GRID2: variants seen among roughly 807,000 people sequenced by gnomAD.
The protein encoded by GRID2 is glutamate ionotropic receptor delta type subunit 2.
In GRID2, 33 loss-of-function variants were observed where a neutral mutation model predicts 114.8. That is an observed-to-expected ratio of 0.29 (90% confidence interval 0.22 to 0.38). The LOEUF (loss-of-function observed/expected upper bound fraction) is 0.38. Ranked by LOEUF, GRID2 falls within the 10% of genes least tolerant of loss-of-function variation. The pLI is 1.00. For missense variants in GRID2, 1,184 were observed against 1,257.7 expected, an observed-to-expected ratio of 0.94 and a Z score of 0.89; for synonymous variants, 505 against 449.9, an observed-to-expected ratio of 1.12 and a Z score of -1.55.
intron 2 of GRID2, among the ~76,000 whole-genome samples, chr4:92,651,409 C>A (rs1192938591): frequency 1.3e-5 from 2 of 151,998 alleles, no homozygotes; most frequent in African/African-American, 2.4e-5. Context: ...TCCATCCCTG[C>A]CTCCGTGGCC....
intron 1 of GRID2, among the ~76,000 whole-genome samples, chr4:92,505,017 T>C (rs1297605408): frequency 6.6e-6 from 1 of 152,024 alleles, no homozygotes; most frequent in Non-Finnish European, 1.5e-5. Flanking sequence ...AACCGTCGAA[T>C]CATTTAAAAG....
At chr4:93,147,624 T>C (rs1560927737) in intron 4 of GRID2, among the ~76,000 whole-genome samples, 1 of 152,140 alleles carries the variant, frequency 6.6e-6, no homozygotes, top group Non-Finnish European at 1.5e-5. Context: ...AGCCATTAGC[T>C]GATTGCTCCA....
chr4:93,003,285 T>G (rs76256722), intron 2 of GRID2, among the ~76,000 whole-genome samples: 1 of 152,054 alleles, frequency 6.6e-6, no homozygotes, highest in Non-Finnish European at 1.5e-5. Flanking sequence ...AAAATAAAAC[T>G]TGTAAAAGGT....
At chr4:93,474,874 A>C (rs1373293581) in intron 11 of GRID2, among the ~76,000 whole-genome samples, 1 of 152,178 alleles carries the variant, frequency 6.6e-6, no homozygotes, top group Non-Finnish European at 1.5e-5. Context: ...GTTCTAAAAC[A>C]CTTAAAACAA....
At chr4:92,337,866 A>T (rs1311918568) in intron 1 of GRID2, among the ~76,000 whole-genome samples, 2 of 152,156 alleles carry the variant, frequency 1.3e-5, no homozygotes, top group Non-Finnish European at 2.9e-5. Flanking sequence ...TGGAGTGAAA[A>T]TAGCACCACA....
At chr4:93,504,458 A>G (rs1402632659) in intron 12 of GRID2, among the ~76,000 whole-genome samples, 1 of 152,056 alleles carries the variant, frequency 6.6e-6, no homozygotes, top group East Asian at 1.9e-4. Context: ...AGATTACTCT[A>G]TATTGAGTAG....
intron 2 of GRID2, among the ~76,000 whole-genome samples, chr4:92,887,862 C>T (rs1005253422): frequency 6.6e-6 from 1 of 152,162 alleles, no homozygotes; most frequent in Admixed American, 6.6e-5. Context: ...AATTTTCTAA[C>T]TCATTGTCTT....
chr4:92,710,612 G>A (rs1016653488), intron 2 of GRID2, among the ~76,000 whole-genome samples: 2 of 152,156 alleles, frequency 1.3e-5, no homozygotes, highest in Admixed American at 6.5e-5. Context: ...TCCTTATTGA[G>A]AGAATGGCTT....
At chr4:92,354,843 A>C (rs1728239123) in intron 1 of GRID2, among the ~76,000 whole-genome samples, 1 of 151,992 alleles carries the variant, frequency 6.6e-6, no homozygotes, top group Admixed American at 6.6e-5. Context: ...AGAAATCTTA[A>C]GGGGACTTAT....
chr4:92,930,040 C>G (rs1750106882), intron 2 of GRID2, among the ~76,000 whole-genome samples: 1 of 151,094 alleles, frequency 6.6e-6, no homozygotes, highest in East Asian at 1.9e-4. Flanking sequence ...TTGGCCTTGC[C>G]CACCACAGAA....
rs1193641626 is a variant in GRID2 at position 92,706,564 on chromosome 4, G to T, written c.244+116278G>T. Among the ~76,000 whole-genome samples the T allele has an allele frequency of 7.2e-5, 11 of 152,112 alleles. No individual in the cohort carries two copies. In the South Asian group the frequency reaches 1.7e-3, roughly 23 times the overall value. On this transcript the variant is annotated intron_variant, in intron 2 of 15. Coordinates refer to ENST00000282020, the MANE Select transcript of GRID2 (RefSeq NM_001510.4). ...TGATGCTGTCCTCTAGGGGTGTTTT[G>T]GTTATATGTGGGGTAAATTTTGGTT...
At chr4:92,999,560 G>T (rs1375791087) in intron 2 of GRID2, among the ~76,000 whole-genome samples, 2 of 151,556 alleles carry the variant, frequency 1.3e-5, no homozygotes, top group Non-Finnish European at 3.0e-5. Flanking sequence ...TATTTTTCAG[G>T]TTACTGCATA....
intron 14 of GRID2, among the ~76,000 whole-genome samples, chr4:93,762,117 G>C (rs1289311695): frequency 3.3e-5 from 5 of 152,042 alleles, no homozygotes; most frequent in Non-Finnish European, 5.9e-5. Flanking sequence ...TACTTTCTCA[G>C]TAACCATGGA....
chr4:92,886,344 C>A (rs1479700057), intron 2 of GRID2, among the ~76,000 whole-genome samples: 1 of 151,984 alleles, frequency 6.6e-6, no homozygotes, highest in Non-Finnish European at 1.5e-5. Context: ...TTGCGAGAAT[C>A]ACCAAATGTG....
intron 14 of GRID2, among the ~76,000 whole-genome samples, chr4:93,670,047 G>A (rs1233118039): frequency 1.3e-5 from 2 of 152,114 alleles, no homozygotes; most frequent in African/African-American, 4.8e-5. Context: ...TAGGGATTAT[G>A]TATGTGTAGG....
Position 93,772,276 on chromosome 4 carries a change from A to G in GRID2, c.2802A>G (p.Pro934=), listed in dbSNP as rs1271317585. ...ATATTACCACAACAACCTTTATCCC[A>G]GAGCAGATCCAGACTCTTAGCCGCA... ...NTHITTTTFI[P]EQIQTLSRTL... The change falls in exon 16 of 16, where the codon CCA becomes CCG. Residue 934 remains proline (P), a synonymous_variant. Coordinates refer to ENST00000282020, the MANE Select transcript of GRID2 (RefSeq NM_001510.4). The G allele has an allele frequency of 1.9e-6, 3 of 1,614,004 alleles. No homozygotes were observed. In the African/African-American group the frequency reaches 4.0e-5, roughly 22 times the overall value.
intron 9 of GRID2, among the ~76,000 whole-genome samples, chr4:93,405,982 G>T (rs1766373403): frequency 6.6e-6 from 1 of 152,118 alleles, no homozygotes; most frequent in South Asian, 2.1e-4. Flanking sequence ...AAATCTCATT[G>T]TTAGTATTTT....
chr4:92,480,134 C>T (rs1177353137), intron 1 of GRID2, among the ~76,000 whole-genome samples: 1 of 152,000 alleles, frequency 6.6e-6, no homozygotes, highest in East Asian at 1.9e-4. Flanking sequence ...CACGTATCTT[C>T]TCAGTTCTAC....
At chr4:93,590,087 G>T (rs934348506) in intron 13 of GRID2, among the ~76,000 whole-genome samples, 7 of 150,246 alleles carry the variant, frequency 4.7e-5, no homozygotes, top group Admixed American at 6.6e-5. Context: ...TTTGTCTTTT[G>T]TTGTCATTGC....
Sources: gnomAD v4.1 joint callset for allele counts (sites outside exome capture counted in the v4.1 genomes callset) on GRCh38, gnomAD v4.1.1 for gene constraint, MANE v1.5 for transcripts, NCBI Gene and HGNC (gene_info 2026-07-23, HGNC 2026-07-21) for gene names.